The following MGAT3 variants were observed in gnomAD, a reference collection of about 807,000 sequenced individuals.
MGAT3 encodes GlcNAc-T III.
MGAT3 carries 9 observed loss-of-function variants against 29.8 expected under a neutral mutation model. The ratio of observed to expected loss-of-function variants is 0.30; its 90% CI spans 0.18 to 0.53. The LOEUF is 0.53. MGAT3 is among the 20% of genes least tolerant of loss of function. The pLI is 0.96. For synonymous variants in MGAT3, 397 were observed against 348.9 expected, an observed-to-expected ratio of 1.14 and a Z score of -1.54; for missense variants, 557 against 769.5, an observed-to-expected ratio of 0.72 and a Z score of 3.27.
Position 39,457,514 on chromosome 22 carries a change from CGCCGCCGCTGCT to C in MGAT3, c.-37_-26del. The C allele has an allele frequency of 6.7e-6, 1 of 150,300 alleles. No individual in the cohort carries two copies. Among genetic ancestry groups the C allele is most frequent in the African/African-American group, 2.4e-5 (1 of 41,206 alleles). The allele number at this position is 150,300 out of a possible 1,614,324, so 9.3% of individuals were successfully genotyped here. A position where few individuals can be genotyped will look rare whatever the true frequency, so the allele number is the denominator to read the frequency against. ...GGGACCCCGGGGGCCGCGGAGCCGC[CGCCGCCGCTGCT>C]GCCGCCGTTGCTGAGACCCAGCGGG... On this transcript the variant is annotated 5_prime_UTR_variant, in exon 1 of 2. Transcript: ENST00000341184. The surrounding 1 kb of genome is among the most constrained non-coding windows in gnomAD (Gnocchi z 6.8).
rs1883165222 is a variant in MGAT3, at chr22:39,457,343, G to A, written c.-216G>A. 7.1e-6 allele frequency: 1 copy of A among 141,520 alleles called. No individual in the cohort carries two copies. The highest frequency in any genetic ancestry group is 2.5e-5 in the African/African-American group (1 of 39,942). The allele number at this position is 141,520 out of a possible 1,614,324, so 8.8% of individuals were successfully genotyped here. On this transcript the variant is annotated 5_prime_UTR_variant, in exon 1 of 2. Transcript: ENST00000341184. The surrounding 1 kb of genome is among the most constrained non-coding windows in gnomAD (Gnocchi z 6.8). Reference sequence around the variant, plus strand: ...CCGAGCGGCCGCGCCGGGTCCCCGGGACGGGGTGGAAGTGGGGGTGGGGGG... The same window carrying A: ...CCGAGCGGCCGCGCCGGGTCCCCGGAACGGGGTGGAAGTGGGGGTGGGGGG...
chr22:39,467,848 GCAGA>G (rs915416620), intron 1 of MGAT3, among the ~76,000 whole-genome samples: 7 of 149,748 alleles, frequency 4.7e-5, no homozygotes, highest in Non-Finnish European at 8.9e-5. Context: ...ACCTTCAGAT[GCAGA>G]CAGAGAACCT....
At chr22:39,484,461 G>A (rs1040866518) in intron 1 of MGAT3, among the ~76,000 whole-genome samples, 3 of 151,774 alleles carry the variant, frequency 2.0e-5, no homozygotes, top group Non-Finnish European at 2.9e-5. Context: ...CAACCCCCAC[G>A]TCCCTGGTTC....
chr22:39,462,650 A>G (rs1928530634), intron 1 of MGAT3, among the ~76,000 whole-genome samples: 1 of 151,882 alleles, frequency 6.6e-6, no homozygotes, highest in African/African-American at 2.4e-5. Flanking sequence ...CAGGCCAGGA[A>G]CCCCCTCTCA....
rs1928583957 is a variant in MGAT3 at position 39,464,519 on chromosome 22, A to G, written c.-2+6962A>G. 3.3e-5 allele frequency among the ~76,000 whole-genome samples: 5 copies of G among 151,682 alleles called. No homozygotes were observed. The South Asian group carries it at 1.0e-3, about 31-fold the overall frequency. On this transcript the variant is annotated intron_variant, in intron 1 of 1. Coordinates refer to ENST00000341184, the MANE Select transcript of MGAT3 (RefSeq NM_002409.5). The stretch of plus-strand genomic sequence containing the variant: ...CAGTGGCGCGATCTCAGCTCACTGC[A>G]ACCTCTGCCTCCTGGGTTCAAACGA...
chr22:39,474,461 G>A (rs932921287), intron 1 of MGAT3, among the ~76,000 whole-genome samples: 2 of 152,186 alleles, frequency 1.3e-5, no homozygotes, highest in East Asian at 1.9e-4. Context: ...TGCCAGCTGC[G>A]AGTTTGAGGC....
chr22:39,460,426 A>G (rs924890040), intron 1 of MGAT3, among the ~76,000 whole-genome samples: 4 of 152,148 alleles, frequency 2.6e-5, no homozygotes. Context: ...CCCGGTTCAA[A>G]TCCCGGCCCT....
intron 1 of MGAT3, among the ~76,000 whole-genome samples, chr22:39,475,128 C>CTTTTTTT (rs58543840): frequency 5.9e-5 from 7 of 118,800 alleles, no homozygotes; most frequent in African/African-American, 2.6e-4. Flanking sequence ...GCTTGCCAGG[C>CTTTTTTT]TTTTTTTTTT....
At chr22:39,478,302 G>T (rs117289855) in intron 1 of MGAT3, among the ~76,000 whole-genome samples, 1,591 of 152,346 alleles carry the variant, frequency 0.01, 16 homozygotes, top group South Asian at 0.017. Flanking sequence ...TGCCCCTCAT[G>T]GACATTACAG....
At chr22:39,469,146 GT>G (rs1928738091) in intron 1 of MGAT3, among the ~76,000 whole-genome samples, 1 of 149,306 alleles carries the variant, frequency 6.7e-6, no homozygotes, top group African/African-American at 2.5e-5. Context: ...GGGCAGGTGG[GT>G]GGGGAGGGGC....
chr22:39,467,942 G>T (rs536588170), intron 1 of MGAT3, among the ~76,000 whole-genome samples: 7 of 151,928 alleles, frequency 4.6e-5, no homozygotes, highest in African/African-American at 1.7e-4. Context: ...CTCGGAGGCC[G>T]CCACCCTCAC....
chr22:39,471,311 G>A (rs1312207498), intron 1 of MGAT3, among the ~76,000 whole-genome samples: 4 of 152,172 alleles, frequency 2.6e-5, no homozygotes, highest in Admixed American at 6.5e-5. Context: ...TGGGGGTCTC[G>A]AGGATTTATC....
intron 1 of MGAT3, among the ~76,000 whole-genome samples, chr22:39,468,683 G>A (rs1928723805): frequency 6.6e-6 from 1 of 151,970 alleles, no homozygotes; most frequent in Non-Finnish European, 1.5e-5. Context: ...GCGGGTGTGT[G>A]GATTTGGCGT....
chr22:39,481,095 A>G (rs1929112854), intron 1 of MGAT3, among the ~76,000 whole-genome samples: 1 of 152,206 alleles, frequency 6.6e-6, no homozygotes, highest in South Asian at 2.1e-4. Context: ...CCATGCCTCC[A>G]GGCCCTGTGA....
chr22:39,480,089 T>G (rs1929081276), intron 1 of MGAT3, among the ~76,000 whole-genome samples: 1 of 152,098 alleles, frequency 6.6e-6, no homozygotes, highest in African/African-American at 2.4e-5. Context: ...ACATTGATGA[T>G]GATGAGGAGC....
intron 1 of MGAT3, among the ~76,000 whole-genome samples, chr22:39,468,045 ACATCC>A (rs1928706342): frequency 6.6e-6 from 1 of 151,822 alleles, no homozygotes; most frequent in African/African-American, 2.4e-5. Flanking sequence ...GACCCTGGGC[ACATCC>A]CCTCTCCAAG....
chr22:39,467,524 C>A (rs1000645575), intron 1 of MGAT3, among the ~76,000 whole-genome samples: 1 of 139,916 alleles, frequency 7.1e-6, no homozygotes, highest in Non-Finnish European at 1.7e-5. Context: ...TAGGAGTGGG[C>A]AGGAGCCCTG....
intron 1 of MGAT3, among the ~76,000 whole-genome samples, chr22:39,482,224 CA>C (rs1444065185): frequency 2.0e-5 from 3 of 149,900 alleles, no homozygotes; most frequent in Middle Eastern, 3.5e-3. Context: ...CGGACTCAAG[CA>C]ATCTGCCCAC....
chr22:39,473,242 G>T (rs1928861665), intron 1 of MGAT3, among the ~76,000 whole-genome samples: 1 of 152,196 alleles, frequency 6.6e-6, no homozygotes, highest in Non-Finnish European at 1.5e-5. Flanking sequence ...GTAAACAGCA[G>T]AACTTTCTCA....
Sources: allele counts gnomAD v4.1 joint callset (sites outside exome capture counted in the v4.1 genomes callset), GRCh38; gene constraint gnomAD v4.1.1; non-coding constraint Gnocchi (gnomAD v3.1); transcripts MANE v1.5; gene names NCBI Gene and HGNC (gene_info 2026-07-23, HGNC 2026-07-21).